The following ZNF721 variants were observed in gnomAD, a reference collection of about 807,000 sequenced individuals.
The protein encoded by ZNF721 is zinc finger protein 721.
ZNF721 carries 2 observed loss-of-function variants against 2.4 expected under a neutral mutation model. The ratio of observed to expected loss-of-function variants is 0.82; its 90% CI spans 0.34 to 2.58. ZNF721 has a LOEUF of 2.58. Ranked by LOEUF, ZNF721 falls within the 30% of genes most tolerant of loss-of-function variation. ZNF721 has a pLI of 0.11. For missense variants in ZNF721, 1,187 were observed against 1,085.5 expected, an observed-to-expected ratio of 1.09 and a Z score of -1.31; for synonymous variants, 398 against 381.8, an observed-to-expected ratio of 1.04 and a Z score of -0.50.
intron 1 of ZNF721, among the ~76,000 whole-genome samples, chr4:496,421 T>TG (rs1329661707): frequency 3.9e-5 from 6 of 152,142 alleles, no homozygotes; most frequent in African/African-American, 7.2e-5. Flanking sequence ...TATGTTCTTC[T>TG]GGGGGGGAAA....
At chr4:496,156 G>C (rs1716147418) in intron 1 of ZNF721, among the ~76,000 whole-genome samples, 1 of 152,012 alleles carries the variant, frequency 6.6e-6, no homozygotes, top group Admixed American at 6.5e-5. Context: ...TTGTGTGTGG[G>C]GGGTAGACGG....
At chr4:465,405 T>C (rs1196010905) in intron 2 of ZNF721, among the ~76,000 whole-genome samples, 1 of 151,352 alleles carries the variant, frequency 6.6e-6, no homozygotes, top group African/African-American at 2.4e-5. Flanking sequence ...AGAAGTTAGA[T>C]TGTTATCTTA....
intron 1 of ZNF721, among the ~76,000 whole-genome samples, chr4:478,961 A>G (rs1185898195): frequency 6.6e-6 from 1 of 152,040 alleles, no homozygotes; most frequent in Non-Finnish European, 1.5e-5. Flanking sequence ...TAGTAGAGAC[A>G]GGGTTTCACC....
chr4:442,626 T>TCACATG lies in ZNF721; in HGVS notation c.1840_1841insCATGTG (p.Lys614delinsThrCysGlu). ...AAAGTCTTTGCCACACTCTTCACAT[T>TCACATG]TGTAAAGTTTCTCTCCAGTATGAAT... On this transcript the variant is annotated protein_altering_variant, in exon 3 of 3. Transcript: ENST00000511833. 6.2e-7 allele frequency: 1 copy of TCACATG among 1,613,822 alleles called. No homozygotes were observed. The highest frequency in any genetic ancestry group is 8.5e-7 in the Non-Finnish European group (1 of 1,179,880).
At chr4:467,154 T>G (rs1715278017) in intron 2 of ZNF721, among the ~76,000 whole-genome samples, 1 of 151,980 alleles carries the variant, frequency 6.6e-6, no homozygotes, top group Admixed American at 6.6e-5. Context: ...GAGGTGGAGC[T>G]TGCAGTGAGC....
In ZNF721 at chr4:443,437, G is replaced by A. The variant is rs782235386; in HGVS notation, c.1030C>T (p.Gln344Ter). The change falls in exon 3 of 3, where the codon CAG (glutamine) becomes TAG (stop). Residue 344 changes from glutamine to a stop codon, truncating the protein, a stop_gained. Coordinates refer to ENST00000511833, the MANE Select transcript of ZNF721 (RefSeq NM_133474.4). LOFTEE classifies it low-confidence loss of function (END_TRUNC). ...CTATGTACGTAAAGGTTTGCGGACTGTCTAAAGGTTTTGCCACATTCTCCA... is the reference window on the plus strand; with the variant it reads ...CTATGTACGTAAAGGTTTGCGGACTATCTAAAGGTTTTGCCACATTCTCCA... ...TCGECGKTFRQSANLYVHRRI... is the reference protein window; with the variant it reads ...TCGECGKTFR The A allele has an allele frequency of 6.2e-7, 1 of 1,611,896 alleles. No homozygotes were observed. The highest frequency in any genetic ancestry group is 1.7e-5 in the Admixed American group (1 of 59,924).
intron 1 of ZNF721, among the ~76,000 whole-genome samples, chr4:489,018 A>T (rs1715964033): frequency 1.3e-5 from 2 of 152,108 alleles, no homozygotes; most frequent in South Asian, 4.1e-4. Flanking sequence ...TTATGCCAGG[A>T]TATTGATCAG....
chr4:465,192 G>A (rs1715205962), intron 2 of ZNF721, among the ~76,000 whole-genome samples: 1 of 151,656 alleles, frequency 6.6e-6, no homozygotes, highest in Non-Finnish European at 1.5e-5. Context: ...AGACCAGCCT[G>A]AGCAACATAG....
chr4:463,672 C>T (rs547088725), intron 2 of ZNF721, among the ~76,000 whole-genome samples: 7 of 152,234 alleles, frequency 4.6e-5, no homozygotes, highest in Non-Finnish European at 7.4e-5. Context: ...AACCAAACAT[C>T]GCATGTTCTC....
intron 1 of ZNF721, among the ~76,000 whole-genome samples, chr4:472,944 G>T (rs1715484269): frequency 6.6e-6 from 1 of 151,992 alleles, no homozygotes; most frequent in Non-Finnish European, 1.5e-5. Flanking sequence ...AAGCAGAGTA[G>T]GCCCTGTGAC....
chr4:495,533 G>A (rs1716130164), intron 1 of ZNF721, among the ~76,000 whole-genome samples: 1 of 150,240 alleles, frequency 6.7e-6, no homozygotes, highest in Non-Finnish European at 1.5e-5. Flanking sequence ...TAAATTGAGT[G>A]TGAGATCTCA....
At chr4:479,551 G>A (rs1715721112) in intron 1 of ZNF721, among the ~76,000 whole-genome samples, 1 of 152,230 alleles carries the variant, frequency 6.6e-6, no homozygotes, top group South Asian at 2.1e-4. Context: ...CAGGGACCAG[G>A]GGGCTGCAGG....
intron 1 of ZNF721, chr4:474,150 G>C: frequency 2.7e-6 from 2 of 739,456 alleles, no homozygotes; most frequent in Non-Finnish European, 2.0e-6. Flanking sequence ...AACAGGCCAA[G>C]GCCGCCGAAG....
intron 2 of ZNF721, among the ~76,000 whole-genome samples, chr4:449,395 T>TA (rs1377642183): frequency 1.3e-4 from 19 of 151,502 alleles, no homozygotes; most frequent in Admixed American, 1.2e-3. Context: ...TACAAGATAA[T>TA]AAAAAAAATA....
Position 442,731 on chromosome 4 carries a change from T to A in ZNF721, c.1736A>T (p.His579Leu), listed in dbSNP as rs782147028. 2 of 1,614,248 alleles carry A rather than the reference T, an allele frequency of 1.2e-6. No homozygotes were observed. The highest frequency in any genetic ancestry group is 1.7e-6 in the Non-Finnish European group (2 of 1,180,036). ...SANLYVHRRI[H>L]TGEKPYKCEE... is the part of the protein sequence containing the mutation. ...ACATTTGTAAGGTTTCTCTCCAGTATGAATTCTCCTATGTACATAAAGGTT... is the reference window on the plus strand; with the variant it reads ...ACATTTGTAAGGTTTCTCTCCAGTAAGAATTCTCCTATGTACATAAAGGTT... The change falls in exon 3 of 3, where the codon CAT becomes CTT. Residue 579 changes from histidine to leucine, a missense_variant. Physicochemically the swap from His to Leu is moderately conservative, Grantham distance 99. Coordinates refer to ENST00000511833, the MANE Select transcript of ZNF721 (RefSeq NM_133474.4).
At chr4:460,286 T>G (rs1236797077) in intron 2 of ZNF721, among the ~76,000 whole-genome samples, 2 of 152,140 alleles carry the variant, frequency 1.3e-5, no homozygotes, top group Non-Finnish European at 2.9e-5. Context: ...ATTAAGAAAC[T>G]CAAAACTGCA....
chr4:462,326 G>A (rs60955707), intron 2 of ZNF721, among the ~76,000 whole-genome samples: 11,038 of 152,200 alleles, frequency 0.073, 692 homozygotes, highest in African/African-American at 0.18. Context: ...TGGCCATACT[G>A]CCCAAAGTAA....
chr4:486,304 G>A (rs183881904), intron 1 of ZNF721, among the ~76,000 whole-genome samples: 9 of 152,040 alleles, frequency 5.9e-5, no homozygotes, highest in Admixed American at 5.2e-4. Flanking sequence ...GACTACAGGC[G>A]TCCGCCACCA....
rs1348971616 is a variant in ZNF721, at chr4:440,625, C to G, written c.*1070G>C. The G allele has an allele frequency of 6.6e-6, 1 of 152,138 alleles. No individual in the cohort carries two copies. Among genetic ancestry groups the G allele is most frequent in the Non-Finnish European group, 1.5e-5 (1 of 68,030 alleles). The allele number at this position is 152,138 out of a possible 1,614,324, so 9.4% of individuals were successfully genotyped here. ...AAATATTTCTTCACATTTACTGCAC[C>G]TACAAATTATATTCTAGTAAAAATT... On this transcript the variant is annotated 3_prime_UTR_variant, in exon 3 of 3. Transcript: ENST00000511833.
Sources: gnomAD v4.1 joint callset for allele counts (sites outside exome capture counted in the v4.1 genomes callset) on GRCh38, gnomAD v4.1.1 for gene constraint, MANE v1.5 for transcripts, NCBI Gene and HGNC (gene_info 2026-07-23, HGNC 2026-07-21) for gene names.